The following DPYD variants were observed in gnomAD, a reference collection of about 807,000 sequenced individuals.
The protein encoded by DPYD is dihydropyrimidine dehydrogenase [NADP(+)].
In DPYD, 109 loss-of-function variants were observed where a neutral mutation model predicts 116.2. That is an observed-to-expected ratio of 0.94 (90% CI 0.80 to 1.10). The LOEUF (loss-of-function observed/expected upper bound fraction) is 1.10, where lower values mean the gene tolerates loss of function less well. DPYD is among the 50% of genes least tolerant of loss of function. The probability of loss-of-function intolerance (pLI) is 0.00; values close to 1 mark genes in which losing one functional copy is unlikely to be tolerated. For synonymous variants in DPYD, 440 were observed against 432.0 expected (o/e 1.02, Z -0.23); for missense variants, 1,302 against 1,254.5 (o/e 1.04, Z -0.57).
At chr1:97,894,605 A>T (rs564310230) in intron 1 of DPYD, among the ~76,000 whole-genome samples, 2 of 151,834 alleles carry the variant, frequency 1.3e-5, no homozygotes, top group East Asian at 3.9e-4. Flanking sequence ...AATATTACCA[A>T]ATAATGTAAC....
chr1:97,758,379 T>G (rs900442090), intron 3 of DPYD, among the ~76,000 whole-genome samples: 19 of 152,050 alleles, frequency 1.2e-4, no homozygotes, highest in African/African-American at 4.6e-4. Flanking sequence ...AAAAAACAGT[T>G]TCATTTTAGG....
At chr1:97,780,789 G>A (rs1407151075) in intron 3 of DPYD, among the ~76,000 whole-genome samples, 1 of 152,136 alleles carries the variant, frequency 6.6e-6, no homozygotes, top group Non-Finnish European at 1.5e-5. Context: ...GGATCTCTGG[G>A]TGTTCACCAC....
chr1:97,181,185 T>A lies in DPYD; in HGVS notation c.2622+11884A>T, dbSNP rs568972687. 3.3e-5 allele frequency among the ~76,000 whole-genome samples: 5 copies of A among 152,226 alleles called. No homozygotes were observed. In the South Asian group the frequency reaches 1.0e-3, roughly 32 times the overall value. Reference sequence around the variant, plus strand: ...TCCTCTATACAGGGCTCCCAGCAGGTACTACCAAATGATTAGAGTTGCCTT... The same window carrying A: ...TCCTCTATACAGGGCTCCCAGCAGGAACTACCAAATGATTAGAGTTGCCTT... On this transcript the variant is annotated intron_variant, in intron 20 of 22. Transcript: ENST00000370192.
At chr1:97,125,321 G>T (rs551696640) in intron 20 of DPYD, among the ~76,000 whole-genome samples, 5 of 151,940 alleles carry the variant, frequency 3.3e-5, no homozygotes, top group Admixed American at 6.6e-5. Context: ...ACATGAGATC[G>T]TTTTTCTCAA....
chr1:97,844,004 T>A (rs1156760719), intron 2 of DPYD, among the ~76,000 whole-genome samples: 2 of 151,984 alleles, frequency 1.3e-5, no homozygotes, highest in Admixed American at 1.3e-4. Context: ...GAAAGGAGAA[T>A]AAAGTGATAG....
At chr1:97,735,075 A>C (rs1460947943) in intron 4 of DPYD, among the ~76,000 whole-genome samples, 1 of 152,188 alleles carries the variant, frequency 6.6e-6, no homozygotes, top group Non-Finnish European at 1.5e-5. Flanking sequence ...CTCGAAAAAA[A>C]ACATTAAGTG....
intron 8 of DPYD, among the ~76,000 whole-genome samples, chr1:97,648,824 T>C (rs1195563538): frequency 1.3e-5 from 2 of 152,028 alleles, no homozygotes. Flanking sequence ...TTTTTAATCA[T>C]AATCACTTGG....
intron 11 of DPYD, among the ~76,000 whole-genome samples, chr1:97,561,868 T>C (rs1652176751): frequency 6.6e-6 from 1 of 152,198 alleles, no homozygotes; most frequent in South Asian, 2.1e-4. Context: ...CTATTATAAA[T>C]GTCACTGCCT....
At chr1:97,741,091 C>T (rs1664246720) in intron 3 of DPYD, among the ~76,000 whole-genome samples, 1 of 152,112 alleles carries the variant, frequency 6.6e-6, no homozygotes, top group African/African-American at 2.4e-5. Flanking sequence ...CAGCTGCCTT[C>T]CCTCTGCTGC....
intron 15 of DPYD, among the ~76,000 whole-genome samples, chr1:97,375,748 C>T (rs895778909): frequency 1.1e-4 from 17 of 152,246 alleles, no homozygotes; most frequent in South Asian, 6.2e-4. Flanking sequence ...CCATGTCATG[C>T]GGTAATTACC....
intron 20 of DPYD, among the ~76,000 whole-genome samples, chr1:97,118,231 C>A (rs966366751): frequency 1.3e-5 from 2 of 152,074 alleles, no homozygotes; most frequent in African/African-American, 4.8e-5. Context: ...GCCAGCACAT[C>A]GTCTCCCAGT....
chr1:97,346,268 T>C lies in DPYD; in HGVS notation c.2058+27293A>G, dbSNP rs145511212. Among the ~76,000 whole-genome samples the C allele has an allele frequency of 2.9e-3, 443 of 151,934 alleles. 1 individual carries two copies. Among genetic ancestry groups the C allele is most frequent in the Middle Eastern group, 6.9e-3 (2 of 288 alleles). ...TATAATTACAAGTCTTTTTATCTCTTCTACCATAAATGGGCATTTGGTTGT... is the reference window on the plus strand; with the variant it reads ...TATAATTACAAGTCTTTTTATCTCTCCTACCATAAATGGGCATTTGGTTGT... On this transcript the variant is annotated intron_variant, in intron 16 of 22. Coordinates refer to ENST00000370192, the MANE Select transcript of DPYD (RefSeq NM_000110.4).
At chr1:97,186,427 C>T (rs1657998603) in intron 20 of DPYD, among the ~76,000 whole-genome samples, 1 of 152,150 alleles carries the variant, frequency 6.6e-6, no homozygotes, top group Non-Finnish European at 1.5e-5. Context: ...CTTCTACCCT[C>T]CCACCGTTTT....
chr1:97,079,297 C>T lies in DPYD; in HGVS notation c.2908-151G>A, dbSNP rs1570419686. ...TGGTGCAACTATAGCAACAGTTGAGCTGACAGAGGAGGAAAAAAAGAGCGA... is the reference window on the plus strand; with the variant it reads ...TGGTGCAACTATAGCAACAGTTGAGTTGACAGAGGAGGAAAAAAAGAGCGA... On this transcript the variant is annotated intron_variant, in intron 22 of 22. Coordinates refer to ENST00000370192, the MANE Select transcript of DPYD (RefSeq NM_000110.4). 4 of 762,712 alleles carry T rather than the reference C, an allele frequency of 5.2e-6. No individual in the cohort carries two copies. In the South Asian group the frequency reaches 6.2e-5, roughly 12 times the overall value. The allele number at this position is 762,712 out of a possible 1,614,324, so 47.2% of individuals were successfully genotyped here. A position where few individuals can be genotyped will look rare whatever the true frequency, so the allele number is the denominator to read the frequency against.
intron 10 of DPYD, among the ~76,000 whole-genome samples, chr1:97,583,015 C>T (rs1400960005): frequency 2.0e-5 from 3 of 152,110 alleles, no homozygotes; most frequent in Non-Finnish European, 4.4e-5. Context: ...GTCGCCCAGG[C>T]TGGAGTGCAG....
chr1:97,257,278 T>C (rs1663546544), intron 18 of DPYD, among the ~76,000 whole-genome samples: 2 of 151,964 alleles, frequency 1.3e-5, no homozygotes, highest in South Asian at 2.1e-4. Context: ...GATATCTTGT[T>C]ATTAGAATCC....
chr1:97,195,592 ATATGTGTG>A (rs1658713843), intron 19 of DPYD, among the ~76,000 whole-genome samples: 1 of 47,304 alleles, frequency 2.1e-5, no homozygotes, highest in African/African-American at 1.3e-4. Context: ...ATATATATAT[ATATGTGTG>A]TGTGTGTATA....
At chr1:97,841,967 A>C (rs1670061278) in intron 2 of DPYD, among the ~76,000 whole-genome samples, 1 of 151,806 alleles carries the variant, frequency 6.6e-6, no homozygotes, top group African/African-American at 2.4e-5. Context: ...AAAATATATT[A>C]TATGTAGAAT....
intron 8 of DPYD, among the ~76,000 whole-genome samples, chr1:97,659,867 AGTATT>A (rs1223762405): frequency 1.3e-5 from 2 of 152,106 alleles, no homozygotes; most frequent in Non-Finnish European, 2.9e-5. Context: ...ACTGTATATG[AGTATT>A]GTATATTCAT....
Sources: allele counts gnomAD v4.1 joint callset (sites outside exome capture counted in the v4.1 genomes callset), GRCh38; gene constraint gnomAD v4.1.1; transcripts MANE v1.5; gene names NCBI Gene and HGNC (gene_info 2026-07-23, HGNC 2026-07-21).